Variants in PCDHGB5 observed in about 807,000 individuals in gnomAD.
The protein encoded by PCDHGB5 is protocadherin gamma subfamily B, 5.
A neutral mutation model predicts 62.9 loss-of-function variants in PCDHGB5; 48 were observed. That is an observed-to-expected ratio of 0.76 (90% CI 0.61 to 0.97). PCDHGB5 has a LOEUF of 0.97. PCDHGB5 is among the 50% of genes least tolerant of loss of function. PCDHGB5 has a pLI of 0.00. For synonymous variants in PCDHGB5, 474 were observed against 511.2 expected, an observed-to-expected ratio of 0.93 and a Z score of 0.98; for missense variants, 1,118 against 1,198.6, an observed-to-expected ratio of 0.93 and a Z score of 0.99.
intron 1 of PCDHGB5, chr5:141,478,171 G>A (rs141465380): frequency 7.3e-5 from 118 of 1,613,942 alleles, no homozygotes; most frequent in African/African-American, 1.5e-4. Flanking sequence ...CCCCCCGGGA[G>A]CAGAAAAAAA....
At chr5:141,467,134 C>T (rs905270517) in intron 1 of PCDHGB5, among the ~76,000 whole-genome samples, 19 of 151,750 alleles carry the variant, frequency 1.3e-4, no homozygotes, top group African/African-American at 4.6e-4. Flanking sequence ...CTCACTGCAA[C>T]CTCTGCCTCC....
Position 141,476,698 on chromosome 5 carries a change from G to C in PCDHGB5, c.2398-18109G>C, listed in dbSNP as rs2075661. Reference sequence around the variant, plus strand: ...CGCGGGAGGACAGCACCAAGTACGCGGAGCTGGTGTTGGAGCGCGCCCTGG... The same window carrying C: ...CGCGGGAGGACAGCACCAAGTACGCCGAGCTGGTGTTGGAGCGCGCCCTGG... On this transcript the variant is annotated intron_variant, in intron 1 of 3. Transcript: ENST00000617380. The surrounding 1 kb of genome is among the most constrained non-coding windows in gnomAD (Gnocchi z 7.6). The C allele has an allele frequency of 0.2, 326,683 of 1,614,030 alleles. 35,085 individuals carry two copies. Among genetic ancestry groups the C allele is most frequent in the Admixed American group, 0.37 (22,021 of 59,992 alleles).
intron 1 of PCDHGB5, chr5:141,415,086 G>A (rs769093571): frequency 3.1e-6 from 5 of 1,613,554 alleles, no homozygotes; most frequent in South Asian, 1.1e-5. Flanking sequence ...GAGCCCTGCT[G>A]GACAGAGACG....
chr5:141,456,446 T>C (rs1053843910), intron 1 of PCDHGB5, among the ~76,000 whole-genome samples: 2 of 151,782 alleles, frequency 1.3e-5, no homozygotes, highest in Admixed American at 1.3e-4. Context: ...GTATACAGAG[T>C]CCAAATATCA....
chr5:141,410,054 A>C, intron 1 of PCDHGB5: 1 of 1,613,064 alleles, frequency 6.2e-7, no homozygotes. Context: ...CGGACTCTTC[A>C]GCCTGGGGCT....
chr5:141,485,242 C>A lies in PCDHGB5; in HGVS notation c.2398-9565C>A, dbSNP rs747029550. ...CTACCCTTTTGTTCCTCTTTTACCA[C>A]CTGGGTTACGTTTGTGGGCAGATCC... On this transcript the variant is annotated intron_variant, in intron 1 of 3. Transcript: ENST00000617380. This position sits in a 1 kb window ranked among gnomAD's most constrained non-coding sequence, Gnocchi z 5.7. 7.4e-5 allele frequency: 119 copies of A among 1,614,054 alleles called. No individual in the cohort carries two copies. The highest frequency in any genetic ancestry group is 3.3e-4 in the Middle Eastern group (2 of 6,084).
chr5:141,418,080 A>T (rs1590086455), intron 1 of PCDHGB5: 1 of 1,614,046 alleles, frequency 6.2e-7, no homozygotes, highest in East Asian at 2.2e-5. Flanking sequence ...GAGAAGCTGC[A>T]CTTCAGCGTA....
chr5:141,505,583 T>A, intron 3 of PCDHGB5, 102 bp downstream of exon 3: 1 of 1,583,650 alleles, frequency 6.3e-7, no homozygotes, highest in Non-Finnish European at 8.6e-7. Context: ...ACCTGTGTAG[T>A]TTCTCCAGAT....
At chr5:141,416,004 A>G (rs1225801773) in intron 1 of PCDHGB5, 2 of 254,264 alleles carry the variant, frequency 7.9e-6, no homozygotes, top group Non-Finnish European at 1.4e-5. Flanking sequence ...CAGGTCTGGT[A>G]AGAATAGGTA....
chr5:141,448,044 C>T (rs2098559539), intron 1 of PCDHGB5, among the ~76,000 whole-genome samples: 1 of 151,942 alleles, frequency 6.6e-6, no homozygotes, highest in African/African-American at 2.4e-5. Context: ...CAAGATCATG[C>T]CATTGCTCTC....
Position 141,400,459 on chromosome 5 carries a change from G to C in PCDHGB5, c.2332G>C (p.Gly778Arg), listed in dbSNP as rs1287515286. ...GAGTTCAGGACAAGACATACTTTGT[G>C]GTGATTCATCTGGGGCCTTATTTCC... ...QLSSGQDILCGDSSGALFPLC... is the reference protein window; with the variant it reads ...QLSSGQDILCRDSSGALFPLC... The change falls in exon 1 of 4, where the codon GGT becomes CGT. Residue 778 changes from glycine (G) to arginine (R), a missense_variant. By Grantham distance (125) the Gly-to-Arg change is moderately radical. Transcript: ENST00000617380. 1 of 1,614,072 alleles carries C rather than the reference G, an allele frequency of 6.2e-7. No homozygotes were observed. Among genetic ancestry groups the C allele is most frequent in the Admixed American group, 1.7e-5 (1 of 60,026 alleles).
At chr5:141,420,216 T>C in intron 1 of PCDHGB5, 1 of 1,609,316 alleles carries the variant, frequency 6.2e-7, no homozygotes, top group African/African-American at 1.3e-5. Context: ...AAAGATAGCA[T>C]GCTACTGGCT....
chr5:141,400,798 A>G (rs2094077333), intron 1 of PCDHGB5: 2 of 559,100 alleles, frequency 3.6e-6, no homozygotes, highest in Non-Finnish European at 6.3e-6. Flanking sequence ...TCTTTCTCAA[A>G]GCTAATGAAT....
chr5:141,409,004 G>A, intron 1 of PCDHGB5: 3 of 1,614,004 alleles, frequency 1.9e-6, no homozygotes, highest in Non-Finnish European at 1.7e-6. Context: ...GACAGCCACT[G>A]ACCAGGATGA....
At position 141,487,741 on chromosome 5, in the gene PCDHGB5, A is replaced by C. The variant is rs773413559; in HGVS notation, c.2398-7066A>C. 1.6e-4 allele frequency: 247 copies of C among 1,561,638 alleles called. 1 individual carries two copies. The highest frequency in any genetic ancestry group is 2.1e-4 in the Non-Finnish European group (244 of 1,151,698). On this transcript the variant is annotated intron_variant, in intron 1 of 3. Coordinates refer to ENST00000617380, the MANE Select transcript of PCDHGB5 (RefSeq NM_018925.3). This position sits in a 1 kb window ranked among gnomAD's most constrained non-coding sequence, Gnocchi z 5.0. ...ATAGTGATGTCACCATTTTTGTAAG[A>C]GGTAACTATGTGGTAGACGCTGTGC... is the stretch of plus-strand genomic sequence containing the variant.
intron 2 of PCDHGB5, among the ~76,000 whole-genome samples, chr5:141,503,132 CCT>C (rs1388312522): frequency 6.6e-6 from 1 of 151,994 alleles, no homozygotes; most frequent in Non-Finnish European, 1.5e-5. Flanking sequence ...TCTGGTAGCC[CCT>C]GACACAGCCC....
intron 1 of PCDHGB5, among the ~76,000 whole-genome samples, chr5:141,456,780 T>A (rs1392367637): frequency 1.3e-5 from 2 of 152,000 alleles, no homozygotes; most frequent in Non-Finnish European, 2.9e-5. Flanking sequence ...CTGGCCTACA[T>A]GGCAAAACCC....
chr5:141,418,433 C>A (rs761824602), intron 1 of PCDHGB5: 6 of 1,613,820 alleles, frequency 3.7e-6, no homozygotes, highest in South Asian at 3.3e-5. Flanking sequence ...TGGCAAATAT[C>A]CAGAATTAGT....
chr5:141,440,328 T>G (rs1311315077), intron 1 of PCDHGB5: 1 of 152,102 alleles, frequency 6.6e-6, no homozygotes. Context: ...TTACTGGGCA[T>G]GGTGGTGCAG....
Sources: allele counts gnomAD v4.1 joint callset (sites outside exome capture counted in the v4.1 genomes callset), GRCh38; gene constraint gnomAD v4.1.1; non-coding constraint Gnocchi (gnomAD v3.1); transcripts MANE v1.5; gene names NCBI Gene and HGNC (gene_info 2026-07-23, HGNC 2026-07-21).